RORA: variants seen among roughly 807,000 people sequenced by gnomAD.
The protein encoded by RORA is RAR related orphan receptor A.
Under a neutral mutation model 69.5 loss-of-function variants are expected in RORA, and 7 were observed. The ratio of observed to expected loss-of-function variants is 0.10; its 90% CI spans 0.06 to 0.19. The LOEUF is 0.19. Ranked by LOEUF, RORA falls within the 10% of genes least tolerant of loss-of-function variation. The pLI, the probability that RORA is intolerant of heterozygous loss-of-function variation, is 1.00. For synonymous variants in RORA, 261 were observed against 240.8 expected (o/e 1.08, Z -0.78); for missense variants, 457 against 663.0 (o/e 0.69, Z 3.41).
chr15:60,926,995 C>T (rs1892238578), intron 1 of RORA, among the ~76,000 whole-genome samples: 1 of 152,154 alleles, frequency 6.6e-6, no homozygotes, highest in Non-Finnish European at 1.5e-5. Flanking sequence ...ACAGTTGGAA[C>T]ACTTCATGAT....
chr15:60,508,704 G>A (rs2065593794), intron 5 of RORA, among the ~76,000 whole-genome samples: 1 of 152,290 alleles, frequency 6.6e-6, no homozygotes, highest in South Asian at 2.1e-4. Context: ...CAGATGTTAC[G>A]TGGTGTATAC....
At chr15:60,709,746 A>C (rs1776673859) in intron 1 of RORA, among the ~76,000 whole-genome samples, 1 of 152,020 alleles carries the variant, frequency 6.6e-6, no homozygotes, top group South Asian at 2.1e-4. Flanking sequence ...AATGTGGTGA[A>C]TTGTATAATT....
At chr15:60,821,672 G>C (rs763077968) in intron 1 of RORA, among the ~76,000 whole-genome samples, 25 of 152,340 alleles carry the variant, frequency 1.6e-4, no homozygotes, top group Non-Finnish European at 3.4e-4. Context: ...AGCAACTAGT[G>C]TGGGGCCTGA....
chr15:60,557,866 AAG>A (rs1181803822), intron 2 of RORA, among the ~76,000 whole-genome samples: 1 of 152,006 alleles, frequency 6.6e-6, no homozygotes, highest in African/African-American at 2.4e-5. Context: ...CATGAAAACA[AAG>A]AGGGCAGTTA....
At chr15:60,850,330 C>G (rs1483601606) in intron 1 of RORA, among the ~76,000 whole-genome samples, 1 of 152,164 alleles carries the variant, frequency 6.6e-6, no homozygotes, top group African/African-American at 2.4e-5. Flanking sequence ...GACTCAACCC[C>G]TCTAATTTGC....
intron 1 of RORA, among the ~76,000 whole-genome samples, chr15:61,100,609 C>T (rs1392309057): frequency 6.6e-6 from 1 of 152,132 alleles, no homozygotes; most frequent in African/African-American, 2.4e-5. Context: ...TCAGAGCCAC[C>T]TGTGGCTAGA....
chr15:61,209,929 G>A (rs1412318232), intron 1 of RORA, among the ~76,000 whole-genome samples: 2 of 152,196 alleles, frequency 1.3e-5, no homozygotes, highest in Non-Finnish European at 2.9e-5. Context: ...TTGGCATAAA[G>A]TGAAAATTAA....
At chr15:60,499,780 G>GC in intron 10 of RORA, 112 bp downstream of exon 10, 1 of 617,062 alleles carries the variant, frequency 1.6e-6, no homozygotes, top group Middle Eastern at 2.6e-4. Flanking sequence ...GTAGCCTGTT[G>GC]CCTTCTGATA....
At chr15:61,159,061 T>C (rs976531593) in intron 1 of RORA, among the ~76,000 whole-genome samples, 1 of 152,100 alleles carries the variant, frequency 6.6e-6, no homozygotes, top group Non-Finnish European at 1.5e-5. Flanking sequence ...CAGCTAGACA[T>C]AGGTAGATAT....
intron 1 of RORA, among the ~76,000 whole-genome samples, chr15:61,045,979 C>A (rs1454609713): frequency 6.6e-6 from 1 of 152,194 alleles, no homozygotes; most frequent in Non-Finnish European, 1.5e-5. Flanking sequence ...GCAACCCCCA[C>A]TGCAACAACC....
chr15:60,632,616 C>T (rs1429860798), intron 2 of RORA, among the ~76,000 whole-genome samples: 1 of 151,926 alleles, frequency 6.6e-6, no homozygotes, highest in South Asian at 2.1e-4. Flanking sequence ...ATTATTTTTC[C>T]CCTTGCTTCA....
At chr15:61,013,535 C>T (rs996375775) in intron 1 of RORA, among the ~76,000 whole-genome samples, 1 of 152,136 alleles carries the variant, frequency 6.6e-6, no homozygotes, top group Non-Finnish European at 1.5e-5. Context: ...ATTAGTGTGT[C>T]GCTCACCCTG....
chr15:60,500,147 T>C (rs1377761163), intron 9 of RORA, 143 bp from the exon 10 acceptor site: 1 of 594,370 alleles, frequency 1.7e-6, no homozygotes, highest in Non-Finnish European at 2.9e-6. Context: ...CTTTCAAAAT[T>C]TCTCCTAATG....
chr15:60,490,037 A>G lies in RORA; in HGVS notation c.*7418T>C, dbSNP rs925734096. On this transcript the variant is annotated 3_prime_UTR_variant, in exon 11 of 11. Coordinates refer to ENST00000335670, the MANE Select transcript of RORA (RefSeq NM_134261.3). The surrounding 1 kb of genome is among the most constrained non-coding windows in gnomAD (Gnocchi z 4.1). The stretch of plus-strand genomic sequence containing the variant: ...AGATGTCAAATATCCATACTAAGGA[A>G]GTAATTTTATCCTAATTAAATACAC... 6.6e-6 allele frequency: 1 copy of G among 152,044 alleles called. No homozygotes were observed. The highest frequency in any genetic ancestry group is 2.4e-5 in the African/African-American group (1 of 41,426). The allele number at this position is 152,044 out of a possible 1,614,324, so 9.4% of individuals were successfully genotyped here.
intron 1 of RORA, among the ~76,000 whole-genome samples, chr15:60,898,090 G>T (rs2414684): frequency 0.85 from 128,562 of 151,824 alleles, 55,083 homozygotes; most frequent in Non-Finnish European, 0.9. Flanking sequence ...AGGGATTTTA[G>T]GTGTACTGCC....
chr15:60,831,377 T>C (rs2073039700), intron 1 of RORA, among the ~76,000 whole-genome samples: 1 of 151,932 alleles, frequency 6.6e-6, no homozygotes, highest in East Asian at 1.9e-4. Context: ...TGGCTCATTC[T>C]CTCCTGACAT....
intron 1 of RORA, among the ~76,000 whole-genome samples, chr15:60,823,936 T>G (rs1283756277): frequency 1.3e-5 from 2 of 152,226 alleles, no homozygotes; most frequent in Non-Finnish European, 2.9e-5. Context: ...AATACATTTT[T>G]TTTGGAGAAA....
chr15:60,804,251 G>A (rs115133330), intron 1 of RORA, among the ~76,000 whole-genome samples: 1,969 of 147,418 alleles, frequency 0.013, 53 homozygotes, highest in African/African-American at 0.046. Context: ...TCACACCACG[G>A]GACTCCAGCC....
intron 1 of RORA, among the ~76,000 whole-genome samples, chr15:61,224,755 CG>C (rs894095222): frequency 6.6e-6 from 1 of 152,152 alleles, no homozygotes; most frequent in African/African-American, 2.4e-5. Context: ...CATTTTTATC[CG>C]GAGGCACATC....
Sources: allele counts gnomAD v4.1 joint callset (sites outside exome capture counted in the v4.1 genomes callset), GRCh38; gene constraint gnomAD v4.1.1; non-coding constraint Gnocchi (gnomAD v3.1); transcripts MANE v1.5; gene names NCBI Gene and HGNC (gene_info 2026-07-23, HGNC 2026-07-21).